Variants in ZMIZ1 observed in about 807,000 individuals in gnomAD.
ZMIZ1 encodes zinc finger MIZ-type containing 1, also known as zinc finger MIZ domain-containing protein 1.
Under a neutral mutation model 113.9 loss-of-function variants are expected in ZMIZ1, and 17 were observed. The ratio of observed to expected loss-of-function variants is 0.15; its 90% CI spans 0.10 to 0.22. The LOEUF (loss-of-function observed/expected upper bound fraction) is 0.22. Among genes scored for constraint, ZMIZ1 ranks in the 10% least tolerant of loss-of-function variants. The pLI is 1.00. For synonymous variants in ZMIZ1, 607 were observed against 603.1 expected, an observed-to-expected ratio of 1.01 and a Z score of -0.09; for missense variants, 1,059 against 1,477.8, an observed-to-expected ratio of 0.72 and a Z score of 4.65.
intron 4 of ZMIZ1, among the ~76,000 whole-genome samples, chr10:79,182,625 G>A (rs1012362053): frequency 2.0e-5 from 3 of 152,354 alleles, no homozygotes; most frequent in African/African-American, 7.2e-5. Context: ...GTAAGCGTAT[G>A]TATGCCAGGG....
At chr10:79,182,112 G>C (rs566192411) in intron 4 of ZMIZ1, among the ~76,000 whole-genome samples, 4 of 152,298 alleles carry the variant, frequency 2.6e-5, no homozygotes, top group South Asian at 4.1e-4. Context: ...TACCAGAACT[G>C]TGTGTGTGTA....
At chr10:79,232,894 G>T (rs1564539235) in intron 7 of ZMIZ1, among the ~76,000 whole-genome samples, 1 of 152,152 alleles carries the variant, frequency 6.6e-6, no homozygotes, top group Non-Finnish European at 1.5e-5. Flanking sequence ...AGCACCACCT[G>T]CCCCCTGGGG....
At chr10:79,304,262 T>C in intron 19 of ZMIZ1, 87 bp downstream of exon 19, 1 of 1,522,776 alleles carries the variant, frequency 6.6e-7, no homozygotes, top group Non-Finnish European at 8.9e-7. Flanking sequence ...CAACAGAGCC[T>C]GTCCTAACAC....
In ZMIZ1 at chr10:79,300,828, G is replaced by A. The variant is rs112888619; in HGVS notation, c.1905G>A (p.Thr635=). 25 of 1,613,670 alleles carry A rather than the reference G, an allele frequency of 1.5e-5. No individual in the cohort carries two copies. Among genetic ancestry groups the A allele is most frequent in the South Asian group, 7.7e-5 (7 of 91,082 alleles). ...PASVQVSVNA[T]PLTIERGDNK... is the part of the protein sequence containing the mutation. ...CGGTGCAGGTCAGCGTGAACGCCAC[G>A]CCCCTCACCATTGAGCGCGGCGACA... Residue 635 remains threonine (T), a synonymous_variant, in exon 17 of 25, where the codon ACG becomes ACA. Coordinates refer to ENST00000334512, the MANE Select transcript of ZMIZ1 (RefSeq NM_020338.4).
rs894195341 is a variant in ZMIZ1, at chr10:79,292,717, C to G, written c.957+361C>G. On this transcript the variant is annotated intron_variant, in intron 11 of 24. Coordinates refer to ENST00000334512, the MANE Select transcript of ZMIZ1 (RefSeq NM_020338.4). ...GTCTAAAAATAGTCTTGTGACCGGT[C>G]TGTCTCCTGGATTGCCTCTGAGACC... 8.4e-6 allele frequency: 4 copies of G among 474,210 alleles called. 1 individual carries two copies. In the Admixed American group the frequency reaches 9.5e-5, roughly 11 times the overall value. The allele number at this position is 474,210 out of a possible 1,614,324, so 29.4% of individuals were successfully genotyped here.
chr10:79,265,356 C>G (rs914047954), intron 7 of ZMIZ1, among the ~76,000 whole-genome samples: 43 of 152,274 alleles, frequency 2.8e-4, no homozygotes, highest in East Asian at 1.9e-3. Context: ...ACTAGCCAGT[C>G]CTCCCTATGC....
chr10:79,123,663 C>G (rs139050210), intron 2 of ZMIZ1, among the ~76,000 whole-genome samples: 14 of 152,316 alleles, frequency 9.2e-5, no homozygotes, highest in African/African-American at 2.9e-4. Flanking sequence ...AGCTGTTGCT[C>G]AGAGCTCTGT....
Position 79,083,510 on chromosome 10 carries a change from T to C in ZMIZ1, c.-337+14240T>C, listed in dbSNP as rs568118286. Among the ~76,000 whole-genome samples the C allele has an allele frequency of 4.6e-5, 7 of 152,262 alleles. No homozygotes were observed. In the South Asian group the frequency reaches 6.2e-4, roughly 14 times the overall value. ...ATCAAGTACAGGAAGGGCTTCTGACTTCATGCTCAGTGATTTGGAAGCCAC... is the reference window on the plus strand; with the variant it reads ...ATCAAGTACAGGAAGGGCTTCTGACCTCATGCTCAGTGATTTGGAAGCCAC... On this transcript the variant is annotated intron_variant, in intron 1 of 24. Transcript: ENST00000334512.
chr10:79,285,069 T>C (rs1440666806), intron 8 of ZMIZ1, among the ~76,000 whole-genome samples: 1 of 152,160 alleles, frequency 6.6e-6, no homozygotes, highest in African/African-American at 2.4e-5. Flanking sequence ...TGTGCTCCCT[T>C]GCCTCGTGGC....
At chr10:79,298,829 C>T (rs1161196085) in intron 15 of ZMIZ1, among the ~76,000 whole-genome samples, 1 of 152,172 alleles carries the variant, frequency 6.6e-6, no homozygotes, top group Non-Finnish European at 1.5e-5. Flanking sequence ...TGCAAGGAGG[C>T]GGGTGGAAGA....
intron 3 of ZMIZ1, among the ~76,000 whole-genome samples, chr10:79,144,268 T>C (rs1278533202): frequency 6.6e-6 from 1 of 152,212 alleles, no homozygotes; most frequent in Non-Finnish European, 1.5e-5. Flanking sequence ...AGGAAAATTC[T>C]TGCATGATGC....
At chr10:79,164,349 A>G (rs1846230217) in intron 4 of ZMIZ1, among the ~76,000 whole-genome samples, 1 of 152,254 alleles carries the variant, frequency 6.6e-6, no homozygotes, top group Non-Finnish European at 1.5e-5. Flanking sequence ...ACCATTGTTC[A>G]CTACCACGTC....
intron 20 of ZMIZ1, 35 bp from the exon 21 acceptor site, chr10:79,305,498 G>A (rs1589610332): frequency 1.9e-6 from 3 of 1,612,682 alleles, no homozygotes; most frequent in Admixed American, 1.7e-5. Context: ...CTTGGGTCCT[G>A]GAGCAGAGGC....
At chr10:79,178,193 CTG>C in intron 4 of ZMIZ1, among the ~76,000 whole-genome samples, 1 of 152,328 alleles carries the variant, frequency 6.6e-6, no homozygotes, top group South Asian at 2.1e-4. Flanking sequence ...CTCTGATTAA[CTG>C]TGTGACTCTG....
chr10:79,305,671 G>A, intron 21 of ZMIZ1, 70 bp downstream of exon 21: 15 of 1,518,786 alleles, frequency 9.9e-6, no homozygotes, highest in East Asian at 2.2e-5. Context: ...AGGTGAGCAG[G>A]TGGATAGCCC....
chr10:79,296,800 C>T lies in ZMIZ1; in HGVS notation c.1413+147C>T, dbSNP rs1853927486. ...TGATTTCTGAACGTCCCCATGTGTT[C>T]AGGGCGAAGTTCGGTGGCCAGAATG... On this transcript the variant is annotated intron_variant, in intron 13 of 24. Transcript: ENST00000334512. The surrounding 1 kb of genome is among the most constrained non-coding windows in gnomAD (Gnocchi z 4.1). 1.4e-6 allele frequency: 1 copy of T among 692,666 alleles called. No homozygotes were observed. Among genetic ancestry groups the T allele is most frequent in the Non-Finnish European group, 2.2e-6 (1 of 460,564 alleles). 42.9% of individuals were successfully genotyped at this position (692,666 alleles called of 1,614,324 possible).
chr10:79,221,087 CTG>C (rs1325240131), intron 7 of ZMIZ1, among the ~76,000 whole-genome samples: 2 of 152,120 alleles, frequency 1.3e-5, no homozygotes, highest in Non-Finnish European at 2.9e-5. Context: ...GGGTGCATGC[CTG>C]TGTGTGTCGC....
intron 7 of ZMIZ1, among the ~76,000 whole-genome samples, chr10:79,253,376 TAGG>T (rs767985654): frequency 9.9e-5 from 15 of 152,080 alleles, no homozygotes; most frequent in East Asian, 3.8e-4. Flanking sequence ...GTCTGTGACA[TAGG>T]AGGGGCACAT....
In ZMIZ1 at chr10:79,316,373, A is replaced by G. The variant is rs1235387367; in HGVS notation, c.*3624A>G. 6.5e-6 allele frequency: 1 copy of G among 152,778 alleles called. No individual in the cohort carries two copies. Among genetic ancestry groups the G allele is most frequent in the African/African-American group, 2.4e-5 (1 of 41,440 alleles). 9.5% of individuals were successfully genotyped at this position (152,778 alleles called of 1,614,324 possible). A position where few individuals can be genotyped will look rare whatever the true frequency, so the allele number is the denominator to read the frequency against. On this transcript the variant is annotated 3_prime_UTR_variant, in exon 25 of 25. Coordinates refer to ENST00000334512, the MANE Select transcript of ZMIZ1 (RefSeq NM_020338.4). ...TCTAATAAATATGTATTCAGATGAA[A>G]CCTGTATATTAGGTGTTCATGTGGT...
Sources: allele counts gnomAD v4.1 joint callset (sites outside exome capture counted in the v4.1 genomes callset), GRCh38; gene constraint gnomAD v4.1.1; non-coding constraint Gnocchi (gnomAD v3.1); transcripts MANE v1.5; gene names NCBI Gene and HGNC (gene_info 2026-07-23, HGNC 2026-07-21).